KIF2A: variants seen among roughly 807,000 people sequenced by gnomAD.
KIF2A encodes kinesin-like protein KIF2A.
Under a neutral mutation model 100.2 loss-of-function variants are expected in KIF2A, and 22 were observed. The observed-to-expected ratio is 0.22, with a 90% CI of 0.16 to 0.31. The LOEUF is 0.31. Among genes scored for constraint, KIF2A ranks in the 10% least tolerant of loss-of-function variants. KIF2A has a pLI of 1.00. For synonymous variants in KIF2A, 268 were observed against 285.9 expected, an observed-to-expected ratio of 0.94 and a Z score of 0.63; for missense variants, 495 against 898.7, an observed-to-expected ratio of 0.55 and a Z score of 5.74.
chr5:62,332,694 A>G (rs1219157296), intron 1 of KIF2A, among the ~76,000 whole-genome samples: 9 of 152,188 alleles, frequency 5.9e-5, no homozygotes, highest in Admixed American at 5.9e-4. Flanking sequence ...AAAAAATGGC[A>G]GTGTATCAAC....
At chr5:62,325,497 TTC>T in intron 1 of KIF2A, among the ~76,000 whole-genome samples, 1 of 152,010 alleles carries the variant, frequency 6.6e-6, no homozygotes, top group East Asian at 1.9e-4. Context: ...GAACAGATAC[TTC>T]TCAAAAGAAG....
intron 9 of KIF2A, 39 bp downstream of exon 9, chr5:62,358,338 G>A (rs1425333494): frequency 2.1e-6 from 3 of 1,420,006 alleles, no homozygotes; most frequent in African/African-American, 2.9e-5. Flanking sequence ...TTGTTCTTAT[G>A]CCATGTGGTC....
intron 18 of KIF2A, among the ~76,000 whole-genome samples, chr5:62,377,443 C>T (rs892679406): frequency 6.6e-6 from 1 of 152,046 alleles, no homozygotes; most frequent in Non-Finnish European, 1.5e-5. Flanking sequence ...AAAAATATTC[C>T]CTACTCATCT....
At chr5:62,377,510 C>T (rs72769108) in intron 18 of KIF2A, 151 bp from the exon 19 acceptor site, 539 of 411,332 alleles carry the variant, frequency 1.3e-3, no homozygotes, top group Non-Finnish European at 2.0e-3. Context: ...AGAAAGAAAT[C>T]GTGGCTTTGC....
chr5:62,306,341 T>A lies in KIF2A; in HGVS notation c.-132T>A, dbSNP rs1031741704. On this transcript the variant is annotated 5_prime_UTR_variant, in exon 1 of 21. Transcript: ENST00000407818. ...GCTGCTCCTTGCGGCCCCGCTTGCG[T>A]TCACGCTGTCGCCCGGGCCGGCGCG... 1.1e-5 allele frequency: 8 copies of A among 722,644 alleles called. No homozygotes were observed. The highest frequency in any genetic ancestry group is 1.6e-5 in the Non-Finnish European group (7 of 427,280). 44.8% of individuals were successfully genotyped at this position (722,644 alleles called of 1,614,324 possible).
chr5:62,351,423 A>T (rs552690930), intron 4 of KIF2A, among the ~76,000 whole-genome samples: 1 of 152,174 alleles, frequency 6.6e-6, no homozygotes, highest in African/African-American at 2.4e-5. Context: ...TTGAACAGAC[A>T]TAAAAATTGT....
intron 1 of KIF2A, among the ~76,000 whole-genome samples, chr5:62,317,554 C>CA (rs1481685655): frequency 6.6e-6 from 1 of 152,200 alleles, no homozygotes; most frequent in Non-Finnish European, 1.5e-5. Flanking sequence ...TGTCTGCCCC[C>CA]AAAATCCTCT....
intron 1 of KIF2A, among the ~76,000 whole-genome samples, chr5:62,323,736 A>C (rs993146984): frequency 6.6e-6 from 1 of 152,138 alleles, no homozygotes; most frequent in Non-Finnish European, 1.5e-5. Flanking sequence ...GCAATTTTTC[A>C]TAACACTTTA....
intron 1 of KIF2A, among the ~76,000 whole-genome samples, chr5:62,315,856 G>C (rs1167693878): frequency 6.6e-6 from 1 of 152,098 alleles, no homozygotes; most frequent in African/African-American, 2.4e-5. Context: ...AGTCTAGGAG[G>C]GTGAGCAATG....
At chr5:62,384,248 C>CA (rs34155521) in intron 20 of KIF2A, among the ~76,000 whole-genome samples, 10 of 151,530 alleles carry the variant, frequency 6.6e-5, no homozygotes, top group East Asian at 1.9e-4. Flanking sequence ...GACTCCATCT[C>CA]AAAAAAAACA....
chr5:62,339,570 TTGTACCAGTACACATATGTAAGAA>T (rs1344557030), intron 1 of KIF2A, among the ~76,000 whole-genome samples: 5 of 121,332 alleles, frequency 4.1e-5, no homozygotes, highest in Non-Finnish European at 7.3e-5. Context: ...TATTGCACAT[TTGTACCAGTACACATATGTAAGAA>T]TGTCCATAGC....
intron 4 of KIF2A, among the ~76,000 whole-genome samples, chr5:62,351,230 CAATAAATA>C (rs976698066): frequency 6.6e-6 from 1 of 150,516 alleles, no homozygotes; most frequent in African/African-American, 2.5e-5. Context: ...GACCCTGTCT[CAATAAATA>C]AATAAATAAA....
At chr5:62,344,250 A>G (rs1747440195) in intron 1 of KIF2A, among the ~76,000 whole-genome samples, 1 of 151,934 alleles carries the variant, frequency 6.6e-6, no homozygotes, top group Non-Finnish European at 1.5e-5. Flanking sequence ...AGGCTGAGGC[A>G]GGAAAATCGC....
At position 62,343,882 on chromosome 5, in the gene KIF2A, C is replaced by T. The variant is rs144717394; in HGVS notation, c.65-3248C>T. Among the ~76,000 whole-genome samples, 233 of 152,260 alleles carry T rather than the reference C, an allele frequency of 1.5e-3. 1 individual carries two copies. The highest frequency in any genetic ancestry group is 5.4e-3 in the African/African-American group (226 of 41,536). On this transcript the variant is annotated intron_variant, in intron 1 of 20. Coordinates refer to ENST00000407818, the MANE Select transcript of KIF2A (RefSeq NM_001098511.3). ...TTGAGAATTTGTGTTACCGTTTATA[C>T]ATTTTTATAGGAATGCCTGGACTTA...
intron 1 of KIF2A, among the ~76,000 whole-genome samples, chr5:62,326,021 C>T (rs931197499): frequency 6.6e-6 from 1 of 152,088 alleles, no homozygotes; most frequent in Admixed American, 6.5e-5. Context: ...CTGTTGGGTA[C>T]TCTGCTCACT....
Position 62,306,264 on chromosome 5 carries a change from G to C in KIF2A, c.-209G>C, listed in dbSNP as rs1745257992. The C allele has an allele frequency of 7.5e-6, 4 of 533,654 alleles. No homozygotes were observed. Among genetic ancestry groups the C allele is most frequent in the Non-Finnish European group, 1.3e-5 (4 of 303,578 alleles). The allele number at this position is 533,654 out of a possible 1,614,324, so 33.1% of individuals were successfully genotyped here. On this transcript the variant is annotated 5_prime_UTR_variant, in exon 1 of 21. Coordinates refer to ENST00000407818, the MANE Select transcript of KIF2A (RefSeq NM_001098511.3). ...TAGCTTCACCCCGACTACCCGGCGT[G>C]CGCGTCCTCCTGCCGGCCTGCAGGC...
At chr5:62,357,346 A>C (rs1748168291) in intron 7 of KIF2A, among the ~76,000 whole-genome samples, 1 of 152,148 alleles carries the variant, frequency 6.6e-6, no homozygotes, top group African/African-American at 2.4e-5. Context: ...AGCCTCCCAA[A>C]GTGCTGGGAT....
chr5:62,338,232 TATC>T (rs1231385124), intron 1 of KIF2A, among the ~76,000 whole-genome samples: 4 of 152,220 alleles, frequency 2.6e-5, no homozygotes, highest in Non-Finnish European at 5.9e-5. Context: ...GAAATTGTGT[TATC>T]ATATAAAAAT....
intron 17 of KIF2A, 26 bp downstream of exon 17, chr5:62,372,577 G>A: frequency 8.3e-7 from 1 of 1,203,936 alleles, no homozygotes; most frequent in Non-Finnish European, 1.2e-6. Context: ...TACATAAGAT[G>A]TTTATTTGTA....
Sources: allele counts gnomAD v4.1 joint callset (sites outside exome capture counted in the v4.1 genomes callset), GRCh38; gene constraint gnomAD v4.1.1; transcripts MANE v1.5; gene names NCBI Gene and HGNC (gene_info 2026-07-23, HGNC 2026-07-21).